The following CSMD2 variants were observed in gnomAD, a reference collection of about 807,000 sequenced individuals.
CSMD2 encodes the protein CUB and sushi domain-containing protein 2.
CSMD2 carries 130 observed loss-of-function variants against 398.5 expected under a neutral mutation model. That is an observed-to-expected ratio of 0.33 (90% confidence interval 0.28 to 0.38). CSMD2 has a LOEUF of 0.38. CSMD2 is among the 10% of genes least tolerant of loss of function. The pLI is 1.00. For synonymous variants in CSMD2, 1,828 were observed against 1,908.5 expected, an observed-to-expected ratio of 0.96 and a Z score of 1.10; for missense variants, 3,829 against 4,764.9, an observed-to-expected ratio of 0.80 and a Z score of 5.78.
chr1:33,899,286 C>T (rs1300723723), intron 5 of CSMD2, among the ~76,000 whole-genome samples: 1 of 152,214 alleles, frequency 6.6e-6, no homozygotes, highest in African/African-American at 2.4e-5. Flanking sequence ...GCCCAAGGCC[C>T]AAAAGCAGCC....
At chr1:34,158,957 C>A (rs190676168) in intron 1 of CSMD2, among the ~76,000 whole-genome samples, 1 of 152,296 alleles carries the variant, frequency 6.6e-6, no homozygotes, top group Non-Finnish European at 1.5e-5. Flanking sequence ...CTGGGGCTGC[C>A]TCCTACTTGA....
intron 25 of CSMD2, among the ~76,000 whole-genome samples, chr1:33,674,851 A>G (rs1644644769): frequency 1.3e-5 from 2 of 152,254 alleles, no homozygotes; most frequent in Non-Finnish European, 1.5e-5. Context: ...TCTGCTCCTG[A>G]ATGACTACTG....
intron 44 of CSMD2, 75 bp from the exon 45 acceptor site, chr1:33,587,243 C>A: frequency 1.8e-6 from 2 of 1,108,778 alleles, no homozygotes; most frequent in Non-Finnish European, 2.6e-6. Context: ...TTGTTCAATT[C>A]TTCACTTTCT....
intron 3 of CSMD2, among the ~76,000 whole-genome samples, chr1:34,022,424 C>G (rs1192043315): frequency 6.6e-6 from 1 of 152,154 alleles, no homozygotes; most frequent in Non-Finnish European, 1.5e-5. Context: ...TCCTTTAGAC[C>G]CTGAGCTCTG....
intron 2 of CSMD2, among the ~76,000 whole-genome samples, chr1:34,070,687 A>G (rs959045399): frequency 3.9e-5 from 6 of 152,032 alleles, no homozygotes; most frequent in Admixed American, 3.9e-4. Context: ...TTGTGTCTGC[A>G]TTCCCCCACC....
intron 2 of CSMD2, among the ~76,000 whole-genome samples, chr1:34,069,849 C>A (rs1007753318): frequency 1.3e-5 from 2 of 152,146 alleles, no homozygotes; most frequent in Non-Finnish European, 2.9e-5. Flanking sequence ...ATTTAGATAC[C>A]TTATTTTTCA....
intron 1 of CSMD2, among the ~76,000 whole-genome samples, chr1:34,138,816 G>A (rs1639004250): frequency 6.6e-6 from 1 of 152,032 alleles, no homozygotes; most frequent in African/African-American, 2.4e-5. Context: ...TCCTTTTTTT[G>A]AAACAATTTT....
chr1:33,985,151 G>T (rs1646313696), intron 3 of CSMD2, among the ~76,000 whole-genome samples: 1 of 152,202 alleles, frequency 6.6e-6, no homozygotes, highest in Non-Finnish European at 1.5e-5. Flanking sequence ...GCAGGTCGAT[G>T]GAGGGGAAGC....
In CSMD2 at chr1:33,652,347, T is replaced by C. The variant is rs560129942; in HGVS notation, c.4562A>G (p.Tyr1521Cys). 6.8e-6 allele frequency: 11 copies of C among 1,614,134 alleles called. No individual in the cohort carries two copies. In the African/African-American group the frequency reaches 1.5e-4, roughly 22 times the overall value. ...CATGTTAAATACCAGGGCGATGACGTAGTCTGGTGAGACGGTCACTTTCCA... is the reference window on the plus strand; with the variant it reads ...CATGTTAAATACCAGGGCGATGACGCAGTCTGGTGAGACGGTCACTTTCCA... ...CDWKVTVSPD[Y>C]VIALVFNIFN... is the part of the protein sequence containing the mutation. The change falls in exon 28 of 71, where the codon TAC becomes TGC. Residue 1521 changes from tyrosine (Y) to cysteine (C), a missense_variant. By Grantham distance (194) the Tyr-to-Cys change is radical. Transcript: ENST00000373381.
chr1:34,114,040 GC>G (rs1358097137), intron 1 of CSMD2, among the ~76,000 whole-genome samples: 4 of 152,134 alleles, frequency 2.6e-5, no homozygotes, highest in African/African-American at 7.2e-5. Context: ...ATGCCTGGGG[GC>G]CATGGAGAAC....
chr1:33,636,267 C>G lies in CSMD2; in HGVS notation c.4969+93G>C. The G allele has an allele frequency of 7.7e-7, 1 of 1,295,492 alleles. No homozygotes were observed. The highest frequency in any genetic ancestry group is 1.1e-6 in the Non-Finnish European group (1 of 944,436). 80.2% of individuals were successfully genotyped at this position (1,295,492 alleles called of 1,614,324 possible). On this transcript the variant is annotated intron_variant, in intron 30 of 70. Transcript: ENST00000373381. The surrounding 1 kb of genome is among the most constrained non-coding windows in gnomAD (Gnocchi z 4.8). ...GGCTTGGAGGAGCCGGGCTTGAGGA[C>G]CTTGCCCCCCTCCCTTCCCCAGCCC...
At chr1:33,773,558 G>A (rs1016183173) in intron 12 of CSMD2, among the ~76,000 whole-genome samples, 1 of 152,172 alleles carries the variant, frequency 6.6e-6, no homozygotes, top group Non-Finnish European at 1.5e-5. Context: ...CTGGAAAGGA[G>A]TATGTCCTGG....
chr1:33,737,119 G>A (rs1331294617), intron 15 of CSMD2, among the ~76,000 whole-genome samples: 3 of 152,138 alleles, frequency 2.0e-5, no homozygotes, highest in Non-Finnish European at 4.4e-5. Flanking sequence ...TGCCAGTGAG[G>A]GACCTGAGGT....
Position 33,533,122 on chromosome 1 carries a change from G to T in CSMD2, c.10099C>A (p.Leu3367Ile). ...LIYSCQEGFS[L>I]KGGSEHRTCK... is the part of the protein sequence containing the mutation. ...GTGCGGTGCTCGGAGCCACCCTTGA[G>T]GGAGAAGCCCTCCTGGCAGGAGTAG... Residue 3367 changes from leucine (L) to isoleucine (I), a missense_variant, in exon 64 of 71, where the codon CTC (leucine) becomes ATC (isoleucine). This residue lies in a region of CSMD2 where 917 missense variants were observed against 1,199.5 expected (regional missense o/e 0.76). Coordinates refer to ENST00000373381, the MANE Select transcript of CSMD2 (RefSeq NM_001281956.2). The surrounding 1 kb of genome is among the most constrained non-coding windows in gnomAD (Gnocchi z 4.2). The T allele has an allele frequency of 6.2e-7, 1 of 1,614,046 alleles. No individual in the cohort carries two copies. Among genetic ancestry groups the T allele is most frequent in the Non-Finnish European group, 8.5e-7 (1 of 1,180,024 alleles).
chr1:34,047,106 A>C (rs1441068371), intron 2 of CSMD2, among the ~76,000 whole-genome samples: 1 of 152,086 alleles, frequency 6.6e-6, no homozygotes, highest in Non-Finnish European at 1.5e-5. Flanking sequence ...TAAAAGCCAA[A>C]GTCTTCATAA....
intron 15 of CSMD2, among the ~76,000 whole-genome samples, chr1:33,733,779 G>A (rs999702462): frequency 6.6e-6 from 1 of 152,202 alleles, no homozygotes; most frequent in African/African-American, 2.4e-5. Flanking sequence ...CACCATGAGT[G>A]TAAGTTTCCT....
chr1:33,623,193 T>C (rs1182041290), intron 36 of CSMD2, among the ~76,000 whole-genome samples, 177 bp downstream of exon 36: 1 of 152,196 alleles, frequency 6.6e-6, no homozygotes, highest in Non-Finnish European at 1.5e-5. Context: ...GATTAGATAG[T>C]AGTGATGGTT....
intron 22 of CSMD2, among the ~76,000 whole-genome samples, chr1:33,702,903 G>A (rs751292480): frequency 1.2e-3 from 184 of 152,184 alleles, no homozygotes; most frequent in Non-Finnish European, 2.2e-3. Flanking sequence ...TTAACTCCCT[G>A]ATAGATTAGT....
At chr1:34,062,172 C>T (rs1654588293) in intron 2 of CSMD2, among the ~76,000 whole-genome samples, 1 of 152,214 alleles carries the variant, frequency 6.6e-6, no homozygotes, top group Non-Finnish European at 1.5e-5. Flanking sequence ...TTTACCACAG[C>T]CCTTGACCTT....
Sources: gnomAD v4.1 joint callset for allele counts (sites outside exome capture counted in the v4.1 genomes callset) on GRCh38, gnomAD v4.1.1 for gene constraint, gnomAD v4.1.1 regional missense constraint, Gnocchi (gnomAD v3.1) non-coding constraint, MANE v1.5 for transcripts, NCBI Gene and HGNC (gene_info 2026-07-23, HGNC 2026-07-21) for gene names.